DLG2: variants seen among roughly 807,000 people sequenced by gnomAD.
DLG2 encodes disks large homolog 2.
A neutral mutation model predicts 132.5 loss-of-function variants in DLG2; 45 were observed. That is an observed-to-expected ratio of 0.34 (90% CI 0.27 to 0.44). The LOEUF (loss-of-function observed/expected upper bound fraction) is 0.44, where lower values mean the gene tolerates loss of function less well. Ranked by LOEUF, DLG2 falls within the 20% of genes least tolerant of loss-of-function variation. The pLI, the probability that DLG2 is intolerant of heterozygous loss-of-function variation, is 1.00. For missense variants in DLG2, 1,045 were observed against 1,196.9 expected, an observed-to-expected ratio of 0.87 and a Z score of 1.87; for synonymous variants, 424 against 419.6, an observed-to-expected ratio of 1.01 and a Z score of -0.13.
At chr11:85,099,072 T>G (rs1465595008) in intron 6 of DLG2, among the ~76,000 whole-genome samples, 1 of 152,226 alleles carries the variant, frequency 6.6e-6, no homozygotes, top group Non-Finnish European at 1.5e-5. Flanking sequence ...CAGCAACTAA[T>G]GTTCCATTCT....
At chr11:83,613,808 T>C (rs1307735359) in intron 19 of DLG2, among the ~76,000 whole-genome samples, 1 of 152,100 alleles carries the variant, frequency 6.6e-6, no homozygotes, top group Non-Finnish European at 1.5e-5. Context: ...GATAAAATAG[T>C]GGTTCTCAGA....
rs1244192497 is a variant in DLG2 at position 83,829,196 on chromosome 11, GCTTT to G, written c.1722+4414_1722+4417del. On this transcript the variant is annotated intron_variant, in intron 17 of 27. Coordinates refer to ENST00000376104, the MANE Select transcript of DLG2 (RefSeq NM_001142699.3). ...ATTAATATGTATTGAATTTTATTTA[GCTTT>G]TTTTTTTTTTTTTTTTGACAGAGTC... 1.8e-3 allele frequency among the ~76,000 whole-genome samples: 211 copies of G among 119,726 alleles called. 1 individual carries two copies. The highest frequency in any genetic ancestry group is 7.4e-3 in the African/African-American group (201 of 27,194). 78.5% of individuals were successfully genotyped at this position (119,726 alleles called of 152,430 possible).
intron 7 of DLG2, among the ~76,000 whole-genome samples, chr11:84,375,453 T>A (rs987161228): frequency 2.6e-5 from 4 of 152,166 alleles, no homozygotes; most frequent in Admixed American, 1.3e-4. Context: ...AATGTCATTT[T>A]ATAATACAGA....
rs527620404 is a variant in DLG2, at chr11:84,662,413, G to A, written c.358-127682C>T. ...TGGTCTCGAACTCCCGACCTCAGGT[G>A]ATCGGCCCACCTCAGCCTCCTAAAG... On this transcript the variant is annotated intron_variant, in intron 6 of 27. Coordinates refer to ENST00000376104, the MANE Select transcript of DLG2 (RefSeq NM_001142699.3). Among the ~76,000 whole-genome samples, 25 of 152,024 alleles carry A rather than the reference G, an allele frequency of 1.6e-4. 1 individual carries two copies. In the South Asian group the frequency reaches 4.4e-3, roughly 27 times the overall value.
At chr11:85,507,874 G>T (rs2093971154) in intron 3 of DLG2, among the ~76,000 whole-genome samples, 2 of 151,968 alleles carry the variant, frequency 1.3e-5, no homozygotes, top group East Asian at 1.9e-4. Context: ...TTTTCATGTA[G>T]TCCCATAGTT....
intron 9 of DLG2, among the ~76,000 whole-genome samples, chr11:84,142,551 C>T (rs192738864): frequency 2.4e-4 from 36 of 152,116 alleles, no homozygotes; most frequent in East Asian, 1.9e-3. Flanking sequence ...GTGTCTGTGA[C>T]GGCAGCTCTG....
In DLG2 at chr11:84,016,498, C is replaced by A. The variant is rs370112481; in HGVS notation, c.920-35856G>T. 2.8e-4 allele frequency among the ~76,000 whole-genome samples: 43 copies of A among 152,108 alleles called. 1 individual carries two copies. In the South Asian group the frequency reaches 8.1e-3, roughly 29 times the overall value. ...ATAGTTTTGGGTTTTACATTTAAGT[C>A]CTGAATCCATCTTGAGTTGATTTTT... On this transcript the variant is annotated intron_variant, in intron 11 of 27. Transcript: ENST00000376104.
chr11:84,313,693 A>AAGAAAGAAAGAAAAAGAAT (rs2098326151), intron 7 of DLG2, among the ~76,000 whole-genome samples: 1 of 107,856 alleles, frequency 9.3e-6, no homozygotes, highest in Non-Finnish European at 2.1e-5. Context: ...AAGAAAAAGA[A>AAGAAAGAAAGAAAAAGAAT]AGAGGATACG....
intron 6 of DLG2, among the ~76,000 whole-genome samples, chr11:84,967,122 G>T (rs1395859821): frequency 6.6e-6 from 1 of 152,040 alleles, no homozygotes; most frequent in Non-Finnish European, 1.5e-5. Flanking sequence ...TAAACCAACT[G>T]CTTGTAATTC....
At chr11:84,003,581 A>T (rs999224719) in intron 11 of DLG2, among the ~76,000 whole-genome samples, 1 of 152,130 alleles carries the variant, frequency 6.6e-6, no homozygotes, top group African/African-American at 2.4e-5. Context: ...TGCCAAGGGA[A>T]GGGGAAGAGC....
chr11:85,498,126 C>A (rs754092500), intron 3 of DLG2, among the ~76,000 whole-genome samples: 6 of 152,130 alleles, frequency 3.9e-5, no homozygotes, highest in African/African-American at 1.2e-4. Flanking sequence ...TTAAAAGACA[C>A]AGACTGGCAA....
intron 6 of DLG2, among the ~76,000 whole-genome samples, chr11:84,613,544 C>CA (rs1056904129): frequency 2.0e-5 from 3 of 152,060 alleles, no homozygotes; most frequent in Non-Finnish European, 4.4e-5. Flanking sequence ...GGTTAATTGA[C>CA]AAAACACAGG....
chr11:84,706,386 A>G (rs985638644), intron 6 of DLG2, among the ~76,000 whole-genome samples: 1 of 151,852 alleles, frequency 6.6e-6, no homozygotes, highest in Admixed American at 6.6e-5. Context: ...ATAAGTCAGG[A>G]TTATTCAATT....
At chr11:85,412,754 CACACACATATATATATAT>C (rs2089445738) in intron 3 of DLG2, among the ~76,000 whole-genome samples, 1 of 123,558 alleles carries the variant, frequency 8.1e-6, no homozygotes, top group African/African-American at 3.4e-5. Flanking sequence ...CACACACACA[CACACACATATATATATAT>C]ATATATATAT....
At chr11:84,124,062 A>G (rs1169637729) in intron 9 of DLG2, among the ~76,000 whole-genome samples, 2 of 152,236 alleles carry the variant, frequency 1.3e-5, no homozygotes, top group African/African-American at 4.8e-5. Context: ...TTTCAAGAAA[A>G]CAAAAACAAA....
intron 7 of DLG2, among the ~76,000 whole-genome samples, chr11:84,386,229 TTA>T (rs1355711480): frequency 6.6e-6 from 1 of 152,082 alleles, no homozygotes; most frequent in East Asian, 1.9e-4. Context: ...CTCTTTACCC[TTA>T]TATGAGTATA....
chr11:85,536,550 G>A (rs879522253), intron 3 of DLG2, among the ~76,000 whole-genome samples: 7 of 152,238 alleles, frequency 4.6e-5, no homozygotes, highest in South Asian at 4.1e-4. Context: ...CTGTTGCTGC[G>A]CTATGAGGGC....
At chr11:85,168,444 A>T (rs1204992055) in intron 4 of DLG2, among the ~76,000 whole-genome samples, 1 of 152,160 alleles carries the variant, frequency 6.6e-6, no homozygotes, top group East Asian at 1.9e-4. Flanking sequence ...ATAGTTGGAC[A>T]ACTACATTTT....
chr11:84,573,724 A>G (rs2099491469), intron 6 of DLG2, among the ~76,000 whole-genome samples: 1 of 152,188 alleles, frequency 6.6e-6, no homozygotes, highest in Non-Finnish European at 1.5e-5. Context: ...AAATCAGAGG[A>G]AAACCAGATG....
Sources: gnomAD v4.1 joint callset for allele counts (sites outside exome capture counted in the v4.1 genomes callset) on GRCh38, gnomAD v4.1.1 for gene constraint, MANE v1.5 for transcripts, NCBI Gene and HGNC (gene_info 2026-07-23, HGNC 2026-07-21) for gene names.